The following KLHL3 variants were observed in gnomAD, a reference collection of about 807,000 sequenced individuals.
KLHL3 encodes kelch like family member 3, also known as kelch-like protein 3.
In KLHL3, 19 loss-of-function variants were observed where a neutral mutation model predicts 70.5. The observed-to-expected ratio is 0.27, with a 90% CI of 0.19 to 0.40. The LOEUF (loss-of-function observed/expected upper bound fraction) is 0.40. KLHL3 is among the 10% of genes least tolerant of loss of function. The probability of loss-of-function intolerance (pLI) is 1.00; values close to 1 mark genes in which losing one functional copy is unlikely to be tolerated. For missense variants in KLHL3, 512 were observed against 771.1 expected (o/e 0.66, Z 3.98); for synonymous variants, 258 against 290.3 (o/e 0.89, Z 1.13).
chr5:137,652,610 A>C (rs575290494), intron 8 of KLHL3, among the ~76,000 whole-genome samples: 34 of 152,232 alleles, frequency 2.2e-4, no homozygotes, highest in Non-Finnish European at 4.3e-4. Flanking sequence ...GAATCTAAAA[A>C]AGTTAAACTC....
intron 6 of KLHL3, among the ~76,000 whole-genome samples, chr5:137,665,080 T>TA (rs1286001596): frequency 1.3e-5 from 2 of 152,148 alleles, no homozygotes; most frequent in African/African-American, 4.8e-5. Flanking sequence ...ACCTGAATCT[T>TA]ACGGTGAGGA....
intron 1 of KLHL3, among the ~76,000 whole-genome samples, chr5:137,727,030 G>A (rs1328140729): frequency 1.3e-5 from 2 of 151,964 alleles, no homozygotes; most frequent in East Asian, 1.9e-4. Flanking sequence ...CTAAATTACA[G>A]ATCCACATAT....
intron 14 of KLHL3, among the ~76,000 whole-genome samples, chr5:137,623,686 A>G (rs1339099142): frequency 2.0e-5 from 3 of 152,176 alleles, no homozygotes; most frequent in Admixed American, 6.5e-5. Context: ...AACAATAATC[A>G]CAATCATTTA....
At chr5:137,670,661 AAAAC>A (rs1183455821) in intron 6 of KLHL3, among the ~76,000 whole-genome samples, 3 of 152,170 alleles carry the variant, frequency 2.0e-5, no homozygotes, top group East Asian at 3.9e-4. Context: ...GAGAATGCTT[AAAAC>A]AAACAAACAA....
intron 1 of KLHL3, among the ~76,000 whole-genome samples, chr5:137,726,223 C>A (rs1316159922): frequency 6.6e-6 from 1 of 152,068 alleles, no homozygotes; most frequent in Non-Finnish European, 1.5e-5. Flanking sequence ...TGTTGAGGGT[C>A]CACATAAAAT....
intron 1 of KLHL3, among the ~76,000 whole-genome samples, chr5:137,728,949 G>C (rs904822239): frequency 1.3e-5 from 2 of 148,660 alleles, no homozygotes; most frequent in African/African-American, 2.5e-5. Context: ...TAACAAACCA[G>C]CACGTGTACC....
intron 5 of KLHL3, among the ~76,000 whole-genome samples, chr5:137,677,968 T>A (rs1580753641): frequency 6.6e-6 from 1 of 152,194 alleles, no homozygotes; most frequent in Admixed American, 6.5e-5. Flanking sequence ...AAAGCCTCAC[T>A]GGGACCTGCC....
chr5:137,700,515 C>T (rs1052869160), intron 3 of KLHL3, among the ~76,000 whole-genome samples: 31 of 152,220 alleles, frequency 2.0e-4, no homozygotes, highest in Admixed American at 1.1e-3. Context: ...TAAATGGAAA[C>T]GCCTGGAATT....
At chr5:137,667,148 T>C (rs1281398887) in intron 6 of KLHL3, among the ~76,000 whole-genome samples, 1 of 152,210 alleles carries the variant, frequency 6.6e-6, no homozygotes, top group African/African-American at 2.4e-5. Context: ...GCCACACTCA[T>C]CGTTTACATA....
intron 2 of KLHL3, among the ~76,000 whole-genome samples, chr5:137,716,169 T>G (rs1009996658): frequency 1.2e-4 from 18 of 151,756 alleles, no homozygotes; most frequent in African/African-American, 2.9e-4. Context: ...GTTAATGACA[T>G]AGAAAAATGT....
At chr5:137,643,016 A>T (rs6894183) in intron 8 of KLHL3, among the ~76,000 whole-genome samples, 27,418 of 152,060 alleles carry the variant, frequency 0.18, 2,912 homozygotes, top group East Asian at 0.41. Flanking sequence ...AGAAATGCAA[A>T]TTTTTTAATG....
chr5:137,674,596 A>G (rs1408853906), intron 6 of KLHL3, among the ~76,000 whole-genome samples: 1 of 152,232 alleles, frequency 6.6e-6, no homozygotes, highest in African/African-American at 2.4e-5. Flanking sequence ...TGTGGGCTGC[A>G]TGCAGAGTAA....
intron 2 of KLHL3, among the ~76,000 whole-genome samples, chr5:137,712,073 G>C (rs532659674): frequency 6.9e-6 from 1 of 145,340 alleles, no homozygotes; most frequent in African/African-American, 2.6e-5. Context: ...CATGAGAATC[G>C]CTTGAAACCC....
At chr5:137,685,820 C>T (rs2860269) in intron 5 of KLHL3, among the ~76,000 whole-genome samples, 118,842 of 152,104 alleles carry the variant, frequency 0.78, 46,661 homozygotes, top group East Asian at 0.98. Flanking sequence ...TGCTACTGTA[C>T]CTGGCTAAAA....
At chr5:137,632,659 G>A (rs903718984) in intron 12 of KLHL3, among the ~76,000 whole-genome samples, 6 of 151,938 alleles carry the variant, frequency 3.9e-5, no homozygotes, top group Admixed American at 3.3e-4. Flanking sequence ...TAGACAAATG[G>A]GACTTAATTA....
chr5:137,651,673 C>T (rs761180436), intron 8 of KLHL3, among the ~76,000 whole-genome samples: 20 of 152,094 alleles, frequency 1.3e-4, no homozygotes, highest in Non-Finnish European at 2.5e-4. Context: ...CCATTCCAAG[C>T]AGAACCCCTA....
Position 137,735,902 on chromosome 5 carries a change from A to T in KLHL3, c.-256T>A, listed in dbSNP as rs182320171. ...TGCAGCCCTTTCAGCTGCTAAAAGCAGCAACCCACTTGCTCCCCCTCCCCC... is the reference window on the plus strand; with the variant it reads ...TGCAGCCCTTTCAGCTGCTAAAAGCTGCAACCCACTTGCTCCCCCTCCCCC... On this transcript the variant is annotated 5_prime_UTR_variant, in exon 1 of 15. Transcript: ENST00000309755. The T allele has an allele frequency of 1.5e-3, 809 of 554,918 alleles. 2 individuals are homozygous for T. Among genetic ancestry groups the T allele is most frequent in the Middle Eastern group, 3.9e-3 (8 of 2,074 alleles). 34.4% of individuals were successfully genotyped at this position (554,918 alleles called of 1,614,324 possible). A position where few individuals can be genotyped will look rare whatever the true frequency, so the allele number is the denominator to read the frequency against.
chr5:137,622,820 G>C (rs1431193819), intron 14 of KLHL3, among the ~76,000 whole-genome samples: 2 of 152,218 alleles, frequency 1.3e-5, no homozygotes, highest in African/African-American at 4.8e-5. Flanking sequence ...AAGGGACTGA[G>C]GCTACATGGC....
At chr5:137,720,701 T>C in intron 1 of KLHL3, 117 bp from the exon 2 acceptor site, 1 of 1,539,436 alleles carries the variant, frequency 6.5e-7, no homozygotes. Flanking sequence ...CAGCCTGTTC[T>C]CACACAGACC....
Sources: allele counts gnomAD v4.1 joint callset (sites outside exome capture counted in the v4.1 genomes callset), GRCh38; gene constraint gnomAD v4.1.1; transcripts MANE v1.5; gene names NCBI Gene and HGNC (gene_info 2026-07-23, HGNC 2026-07-21).